CORO1C: variants seen among roughly 807,000 people sequenced by gnomAD.
CORO1C encodes the protein coronin-1C.
Under a neutral mutation model 51.2 loss-of-function variants are expected in CORO1C, and 14 were observed. That is an observed-to-expected ratio of 0.27 (90% CI 0.18 to 0.43). The LOEUF (loss-of-function observed/expected upper bound fraction) is 0.43. Ranked by LOEUF, CORO1C falls within the 20% of genes least tolerant of loss-of-function variation. The pLI is 1.00. For missense variants in CORO1C, 417 were observed against 607.8 expected (o/e 0.69, Z 3.30); for synonymous variants, 181 against 210.5 (o/e 0.86, Z 1.21).
At chr12:108,712,357 C>T (rs781663913) in intron 1 of CORO1C, among the ~76,000 whole-genome samples, 10 of 151,662 alleles carry the variant, frequency 6.6e-5, no homozygotes, top group Non-Finnish European at 1.0e-4. Flanking sequence ...GTGGATTGCC[C>T]GAACTCAGGA....
intron 2 of CORO1C, among the ~76,000 whole-genome samples, chr12:108,691,095 TG>T (rs1249119809): frequency 6.9e-6 from 1 of 145,270 alleles, no homozygotes; most frequent in Non-Finnish European, 1.5e-5. Context: ...CAACTTTTTT[TG>T]GGGGGTGGGA....
In CORO1C at chr12:108,658,907, G is replaced by C; in HGVS notation, c.461C>G (p.Ala154Gly). 1 of 1,606,544 alleles carries C rather than the reference G, an allele frequency of 6.2e-7. No individual in the cohort carries two copies. The change falls in exon 5 of 11, where the codon GCC becomes GGC. Residue 154 changes from alanine to glycine, a missense_variant. Ala to Gly is a moderately conservative substitution (Grantham distance 60, BLOSUM62 0). Transcript: ENST00000261401. This position sits in a 1 kb window ranked among gnomAD's most constrained non-coding sequence, Gnocchi z 4.9. Reference protein sequence around the residue: ...NVLLSAGCDNAIIIWNVGTGE... With the variant: ...NVLLSAGCDNGIIIWNVGTGE... Reference sequence around the variant, plus strand: ...TGTTCCCACATTCCAGATGATAATGGCATTATCACAGCCTAAAACAGGCAA... The same window carrying C: ...TGTTCCCACATTCCAGATGATAATGCCATTATCACAGCCTAAAACAGGCAA...
intron 1 of CORO1C, among the ~76,000 whole-genome samples, chr12:108,718,165 A>T (rs1182897248): frequency 6.6e-6 from 1 of 152,208 alleles, no homozygotes; most frequent in Non-Finnish European, 1.5e-5. Context: ...CACCCTGGCT[A>T]ACACGTTAAA....
At chr12:108,690,469 G>C (rs2034458144) in intron 2 of CORO1C, among the ~76,000 whole-genome samples, 1 of 152,180 alleles carries the variant, frequency 6.6e-6, no homozygotes, top group Admixed American at 6.5e-5. Flanking sequence ...TTGCATCACA[G>C]ATCCTCTCTA....
intron 8 of CORO1C, chr12:108,649,692 A>G (rs911648242): frequency 3.3e-5 from 5 of 152,550 alleles, no homozygotes; most frequent in African/African-American, 1.2e-4. Context: ...TAAACAGACC[A>G]GAAATGACTT....
rs533858044 is a variant in CORO1C at position 108,714,908 on chromosome 12, T to C, written c.-5-13585A>G. On this transcript the variant is annotated intron_variant, in intron 1 of 10. Coordinates refer to ENST00000261401, the MANE Select transcript of CORO1C (RefSeq NM_014325.4). The stretch of plus-strand genomic sequence containing the variant: ...CAAAGAGACTTGGTTGGGGACCACC[T>C]AAAGTCAAACCTAAGCACTCACTGG... Among the ~76,000 whole-genome samples the C allele has an allele frequency of 4.6e-5, 7 of 152,328 alleles. No individual in the cohort carries two copies. The East Asian group carries it at 1.3e-3, about 29-fold the overall frequency.
intron 2 of CORO1C, among the ~76,000 whole-genome samples, chr12:108,685,787 T>C (rs1398596257): frequency 2.0e-5 from 3 of 152,030 alleles, no homozygotes; most frequent in East Asian, 1.9e-4. Context: ...AGAAAAGCAA[T>C]TGACTAAATA....
chr12:108,692,775 A>G (rs1033809726), intron 2 of CORO1C, among the ~76,000 whole-genome samples: 3 of 148,262 alleles, frequency 2.0e-5, no homozygotes, highest in Non-Finnish European at 4.5e-5. Flanking sequence ...CAAAGGATTC[A>G]GTGTCCATTA....
chr12:108,674,859 C>G (rs759898886), intron 3 of CORO1C, among the ~76,000 whole-genome samples: 8 of 152,200 alleles, frequency 5.3e-5, no homozygotes, highest in Non-Finnish European at 1.2e-4. Context: ...GCTGTGAACA[C>G]TGTTGAAATG....
intron 1 of CORO1C, among the ~76,000 whole-genome samples, chr12:108,720,744 C>T (rs1224977498): frequency 2.0e-5 from 3 of 151,848 alleles, no homozygotes; most frequent in African/African-American, 7.3e-5. Context: ...AGGATGGTCT[C>T]GACATCCTGA....
intron 2 of CORO1C, among the ~76,000 whole-genome samples, chr12:108,682,153 A>C (rs1159580215): frequency 2.6e-5 from 4 of 152,104 alleles, no homozygotes; most frequent in Non-Finnish European, 5.9e-5. Context: ...GAAAGTATGA[A>C]TGCAACTCAT....
chr12:108,656,129 A>G (rs576915312), intron 6 of CORO1C, among the ~76,000 whole-genome samples: 5 of 137,628 alleles, frequency 3.6e-5, no homozygotes, highest in South Asian at 2.4e-4. Context: ...AGAAGTGAGG[A>G]GCCCCTCCAC....
chr12:108,710,229 C>T (rs1396163706), intron 1 of CORO1C, among the ~76,000 whole-genome samples: 3 of 152,138 alleles, frequency 2.0e-5, no homozygotes, highest in East Asian at 3.8e-4. Flanking sequence ...TCTCTCTGGG[C>T]GTTGGTTGAA....
intron 2 of CORO1C, among the ~76,000 whole-genome samples, chr12:108,694,298 A>T (rs1218207686): frequency 6.6e-6 from 1 of 151,194 alleles, no homozygotes; most frequent in Non-Finnish European, 1.5e-5. Context: ...AAAAAAAAAA[A>T]AAAAAAGCAA....
chr12:108,722,262 C>T (rs977273219), intron 1 of CORO1C, among the ~76,000 whole-genome samples: 2 of 152,168 alleles, frequency 1.3e-5, no homozygotes, highest in African/African-American at 2.4e-5. Context: ...TGAATAACAG[C>T]GGTAGTCTAG....
At chr12:108,680,367 A>T (rs1565917358) in intron 2 of CORO1C, among the ~76,000 whole-genome samples, 1 of 152,248 alleles carries the variant, frequency 6.6e-6, no homozygotes, top group South Asian at 2.1e-4. Context: ...CTTGCAACCC[A>T]GTTTGGATCT....
rs1233484068 is a variant in CORO1C at position 108,657,427 on chromosome 12, G to A, written c.631-4C>T. On this transcript the variant is annotated splice_region_variant and splice_polypyrimidine_tract_variant and intron_variant, in intron 5 of 10. Transcript: ENST00000261401. ...CTTCATGTGCTTTCTCCTTCTCCTG[G>A]AGAGCAAAAAGGCACATGCCACACA... 5 of 1,611,184 alleles carry A rather than the reference G, an allele frequency of 3.1e-6. No homozygotes were observed. In the Admixed American group the frequency reaches 6.7e-5, roughly 22 times the overall value.
At chr12:108,703,906 G>A (rs1470493606) in intron 1 of CORO1C, among the ~76,000 whole-genome samples, 1 of 152,162 alleles carries the variant, frequency 6.6e-6, no homozygotes, top group Non-Finnish European at 1.5e-5. Context: ...CAAGAGATCA[G>A]ACATCACTGC....
chr12:108,648,794 C>T lies in CORO1C; in HGVS notation c.1116G>A (p.Leu372=). The change falls in exon 10 of 11, where the codon CTG becomes CTA. Residue 372 remains leucine (L), a synonymous_variant. Transcript: ENST00000261401. ...YPDTAGPEAA[L]EAEEWFEGKN... ...TGCCTTCGAACCACTCTTCTGCCTC[C>T]AGCGCGGCCTCTGGCCCCGCTGTGT... 6.2e-7 allele frequency: 1 copy of T among 1,614,230 alleles called. No individual in the cohort carries two copies.
Sources: allele counts gnomAD v4.1 joint callset (sites outside exome capture counted in the v4.1 genomes callset), GRCh38; gene constraint gnomAD v4.1.1; non-coding constraint Gnocchi (gnomAD v3.1); transcripts MANE v1.5; gene names NCBI Gene and HGNC (gene_info 2026-07-23, HGNC 2026-07-21).